The following NAV1 variants were observed in gnomAD, a reference collection of about 807,000 sequenced individuals.
NAV1 encodes the protein neuron navigator 1, also known as pore membrane and/or filament interacting like protein 3.
A neutral mutation model predicts 175.2 loss-of-function variants in NAV1; 18 were observed. The observed-to-expected ratio is 0.10, with a 90% CI of 0.07 to 0.15. The LOEUF is 0.15. Ranked by LOEUF, NAV1 falls within the 10% of genes least tolerant of loss-of-function variation. The pLI is 1.00. For missense variants in NAV1, 1,731 were observed against 2,436.6 expected (o/e 0.71, Z 6.10); for synonymous variants, 897 against 978.7 (o/e 0.92, Z 1.56).
intron 28 of NAV1, among the ~76,000 whole-genome samples, chr1:201,814,577 A>T (rs549746856): frequency 2.0e-5 from 3 of 152,252 alleles, no homozygotes; most frequent in African/African-American, 7.2e-5. Context: ...ATTGAGATAG[A>T]TATCTCCTGG....
chr1:201,816,802 T>C (rs920245129), intron 28 of NAV1: 2 of 335,306 alleles, frequency 6.0e-6, no homozygotes, highest in African/African-American at 4.3e-5. Flanking sequence ...GGTAGGATTA[T>C]ATAGGCACGC....
chr1:201,717,218 G>A (rs867103302), intron 2 of NAV1, among the ~76,000 whole-genome samples: 2 of 152,184 alleles, frequency 1.3e-5, no homozygotes, highest in Admixed American at 6.5e-5. Context: ...CCCCAAAGTG[G>A]CTAAGCAATG....
intron 2 of NAV1, among the ~76,000 whole-genome samples, chr1:201,717,818 A>G (rs1473962817): frequency 6.6e-6 from 1 of 152,182 alleles, no homozygotes; most frequent in Non-Finnish European, 1.5e-5. Flanking sequence ...TTTCCTATAT[A>G]TGATGTTTGG....
intron 15 of NAV1, 172 bp downstream of exon 19, chr1:201,794,749 G>A: frequency 1.6e-6 from 1 of 639,208 alleles, no homozygotes; most frequent in Non-Finnish European, 2.8e-6. Context: ...GAGTACCAGG[G>A]GCATGACCCC....
At position 201,787,036 on chromosome 1, in the gene NAV1, C is replaced by T. The variant is rs1676804436; in HGVS notation, c.2995+459C>T. 6.6e-6 allele frequency among the ~76,000 whole-genome samples: 1 copy of T among 152,246 alleles called. No homozygotes were observed. ...CTCCAAACTCAGCCAAGTCCAGATT[C>T]CTCAACTGCTCTGGCTGAGCCCAGG... On this transcript the variant is annotated intron_variant, in intron 9 of 29. Transcript: ENST00000367296. This position sits in a 1 kb window ranked among gnomAD's most constrained non-coding sequence, Gnocchi z 4.3.
chr1:201,623,002 C>T (rs1182180744), exon 1 of NAV1: 1 of 986,164 alleles, frequency 1.0e-6, no homozygotes, highest in African/African-American at 1.7e-5. Flanking sequence ...TCCCCAGCTG[C>T]GGCCACGCCA....
intron 3 of NAV1, among the ~76,000 whole-genome samples, chr1:201,775,810 C>G (rs926929559): frequency 1.3e-4 from 20 of 152,174 alleles, no homozygotes; most frequent in African/African-American, 4.8e-4. Context: ...GTAATCCCAG[C>G]ACTTTGGGAG....
rs142242427 is a variant in NAV1 at position 201,783,653 on chromosome 1, C to T, written c.2605C>T (p.Pro869Ser). The change falls in exon 7 of 30, where the codon CCA becomes TCA. Residue 869 changes from proline (P) to serine (S), a missense_variant. Physicochemically the swap from Pro to Ser is moderately conservative, Grantham distance 74. Coordinates refer to ENST00000367296, the Ensembl canonical transcript of NAV1. ...GGAGCTAATGAGTGGTTTCAGTGTG[C>T]CAAAAGAGACCCGCATGTACCCCAA... 2.7e-5 allele frequency: 43 copies of T among 1,614,054 alleles called. No homozygotes were observed. The highest frequency in any genetic ancestry group is 3.6e-5 in the Non-Finnish European group (43 of 1,180,042).
rs1469684349 is a variant in NAV1, at chr1:201,750,491, A to G, written c.1227-29930A>G. On this transcript the variant is annotated intron_variant, in intron 3 of 29. Coordinates refer to ENST00000367296, the Ensembl canonical transcript of NAV1. The surrounding 1 kb of genome is among the most constrained non-coding windows in gnomAD (Gnocchi z 4.1). ...ATTGAGGACTTCTGGTTAAAATGTTAGTAAAAACGATTGCTCTTCTTAAAA... is the reference window on the plus strand; with the variant it reads ...ATTGAGGACTTCTGGTTAAAATGTTGGTAAAAACGATTGCTCTTCTTAAAA... 2.6e-5 allele frequency among the ~76,000 whole-genome samples: 4 copies of G among 152,130 alleles called. No homozygotes were observed. The highest frequency in any genetic ancestry group is 4.8e-5 in the African/African-American group (2 of 41,434).
chr1:201,658,200 G>A (rs1198262209), intron 1 of NAV1, among the ~76,000 whole-genome samples: 1 of 152,180 alleles, frequency 6.6e-6, no homozygotes, highest in African/African-American at 2.4e-5. Context: ...TGTCGGCAGA[G>A]CACTGTGCTT....
chr1:201,639,739 C>T (rs1486319990), intron 2 of NAV1, among the ~76,000 whole-genome samples: 1 of 152,220 alleles, frequency 6.6e-6, no homozygotes, highest in African/African-American at 2.4e-5. Flanking sequence ...ACGACAAAGC[C>T]CCGAGAACCC....
In NAV1 at chr1:201,813,063, A is replaced by G; in HGVS notation, c.5222-77A>G. ...TGACTGTCAGACCCCTCTGCCTGGT[A>G]CTAAGGAGTAAAAGAGGCACACAAC... On this transcript the variant is annotated intron_variant, in intron 27 of 29. Transcript: ENST00000367296. This position sits in a 1 kb window ranked among gnomAD's most constrained non-coding sequence, Gnocchi z 4.2. The G allele has an allele frequency of 9.7e-7, 1 of 1,034,112 alleles. No homozygotes were observed. Among genetic ancestry groups the G allele is most frequent in the South Asian group, 1.4e-5 (1 of 73,852 alleles). 64.1% of individuals were successfully genotyped at this position (1,034,112 alleles called of 1,614,324 possible). A position where few individuals can be genotyped will look rare whatever the true frequency, so the allele number is the denominator to read the frequency against.
rs1320401226 is a variant in NAV1 at position 201,701,083 on chromosome 1, T to TA, written c.758-11728dup. On this transcript the variant is annotated intron_variant, in intron 1 of 29. Coordinates refer to ENST00000367296, the Ensembl canonical transcript of NAV1. ...TACACCATGGAATACTATGCAGCCA[T>TA]AAAAAAGGATGAGTTCATGTCCTTT... 8.4e-5 allele frequency among the ~76,000 whole-genome samples: 11 copies of TA among 131,310 alleles called. No homozygotes were observed. In the East Asian group the frequency reaches 2.5e-3, roughly 30 times the overall value. 86.1% of individuals were successfully genotyped at this position (131,310 alleles called of 152,430 possible).
chr1:201,687,522 T>G (rs1670732028), intron 1 of NAV1, among the ~76,000 whole-genome samples: 1 of 152,240 alleles, frequency 6.6e-6, no homozygotes, highest in Non-Finnish European at 1.5e-5. Context: ...GGCACTGTGC[T>G]AGCACTTAAC....
Position 201,785,788 on chromosome 1 carries a change from C to CTTTTT in NAV1, c.2846+455_2846+459dup, listed in dbSNP as rs34841837. 7.5e-3 allele frequency among the ~76,000 whole-genome samples: 745 copies of CTTTTT among 99,480 alleles called. 14 individuals are homozygous for CTTTTT. Among genetic ancestry groups the CTTTTT allele is most frequent in the Middle Eastern group, 0.017 (2 of 120 alleles). 65.3% of individuals were successfully genotyped at this position (99,480 alleles called of 152,430 possible). On this transcript the variant is annotated intron_variant, in intron 8 of 29. Coordinates refer to ENST00000367296, the Ensembl canonical transcript of NAV1. ...TTCAGTTGGGTGGCAACTATTGCAA[C>CTTTTT]TTTTTTTTTTTTTTTTTTTTTTGAG...
chr1:201,742,152 C>T lies in NAV1; in HGVS notation c.1226+23397C>T, dbSNP rs1359230239. Among the ~76,000 whole-genome samples, 4 of 152,180 alleles carry T rather than the reference C, an allele frequency of 2.6e-5. 1 individual carries two copies. Among genetic ancestry groups the T allele is most frequent in the South Asian group, 4.1e-4 (2 of 4,826 alleles). ...ATATAAAATTTAACTAGCCTGGCTCCAATTCACAGAGGGGGAGCTTAGCCC... is the reference window on the plus strand; with the variant it reads ...ATATAAAATTTAACTAGCCTGGCTCTAATTCACAGAGGGGGAGCTTAGCCC... On this transcript the variant is annotated intron_variant, in intron 3 of 29. Coordinates refer to ENST00000367296, the Ensembl canonical transcript of NAV1.
intron 3 of NAV1, chr1:201,723,145 G>A (rs1469055781): frequency 1.3e-5 from 2 of 152,252 alleles, no homozygotes; most frequent in African/African-American, 4.8e-5. Context: ...TGGAGGCGAA[G>A]TGGTTATCTC....
chr1:201,609,160 A>T (rs1247456441), intron 2 of NAV1, among the ~76,000 whole-genome samples: 1 of 152,236 alleles, frequency 6.6e-6, no homozygotes, highest in Non-Finnish European at 1.5e-5. Flanking sequence ...GCCTGCTGCC[A>T]GACCCTAGCT....
At position 201,718,157 on chromosome 1, in the gene NAV1, C is replaced by T. The variant is rs186808328; in HGVS notation, c.861-233C>T. Among the ~76,000 whole-genome samples the T allele has an allele frequency of 1.3e-5, 2 of 152,276 alleles. No individual in the cohort carries two copies. The highest frequency in any genetic ancestry group is 1.3e-4 in the Admixed American group (2 of 15,292). ...CACAATCTAGGGTCTTAACAGTATA[C>T]AGGATTTCTTCCCTAGCCACTTAAT... is the stretch of plus-strand genomic sequence containing the variant. On this transcript the variant is annotated intron_variant, in intron 2 of 29. Coordinates refer to ENST00000367296, the Ensembl canonical transcript of NAV1. The surrounding 1 kb of genome is among the most constrained non-coding windows in gnomAD (Gnocchi z 4.8).
Sources: allele counts gnomAD v4.1 joint callset (sites outside exome capture counted in the v4.1 genomes callset), GRCh38; gene constraint gnomAD v4.1.1; non-coding constraint Gnocchi (gnomAD v3.1); transcripts MANE v1.5; gene names NCBI Gene and HGNC (gene_info 2026-07-23, HGNC 2026-07-21).